The following ELAVL2 variants were observed in gnomAD, a reference collection of about 807,000 sequenced individuals.
ELAVL2 encodes ELAV-like protein 2.
A neutral mutation model predicts 34.6 loss-of-function variants in ELAVL2; 4 were observed. That is an observed-to-expected ratio of 0.12 (90% CI 0.06 to 0.26). The LOEUF (loss-of-function observed/expected upper bound fraction) is 0.26, where lower values mean the gene tolerates loss of function less well. ELAVL2 is among the 10% of genes least tolerant of loss of function. ELAVL2 has a pLI of 1.00. For synonymous variants in ELAVL2, 193 were observed against 154.8 expected, an observed-to-expected ratio of 1.25 and a Z score of -1.83; for missense variants, 432 against 442.8, an observed-to-expected ratio of 0.98 and a Z score of 0.22.
intron 2 of ELAVL2, among the ~76,000 whole-genome samples, chr9:23,757,118 C>T (rs1588149639): frequency 6.6e-6 from 1 of 152,172 alleles, no homozygotes; most frequent in East Asian, 1.9e-4. Flanking sequence ...ATATCAAGTT[C>T]ACAACCATAG....
intron 5 of ELAVL2, among the ~76,000 whole-genome samples, chr9:23,696,778 T>C (rs1730395377): frequency 6.6e-6 from 1 of 152,134 alleles, no homozygotes; most frequent in Non-Finnish European, 1.5e-5. Flanking sequence ...CCATCTTTTA[T>C]TTATGGTCAT....
intron 1 of ELAVL2, among the ~76,000 whole-genome samples, chr9:23,794,551 A>G (rs1310527284): frequency 1.3e-5 from 2 of 152,250 alleles, no homozygotes; most frequent in East Asian, 1.9e-4. Flanking sequence ...TCAAGGCTGA[A>G]TAAGATACAT....
At chr9:23,779,106 GC>G in intron 1 of ELAVL2, 1 of 804,884 alleles carries the variant, frequency 1.2e-6, no homozygotes, top group Non-Finnish European at 1.5e-6. Context: ...TACACCAGAA[GC>G]CCTTGAATTA....
intron 1 of ELAVL2, among the ~76,000 whole-genome samples, chr9:23,812,893 A>T (rs559164130): frequency 6.6e-6 from 1 of 152,246 alleles, no homozygotes; most frequent in Non-Finnish European, 1.5e-5. Flanking sequence ...GCCTAGCTGA[A>T]GTGGCTGCCA....
intron 6 of ELAVL2, 136 bp downstream of exon 6, chr9:23,693,312 G>T: frequency 1.9e-6 from 2 of 1,071,278 alleles, no homozygotes; most frequent in Non-Finnish European, 2.7e-6. Flanking sequence ...GCTTCAAAGA[G>T]CAGCTTTTCA....
chr9:23,811,033 G>A (rs1461552090), intron 1 of ELAVL2, among the ~76,000 whole-genome samples: 3 of 152,158 alleles, frequency 2.0e-5, no homozygotes, highest in Admixed American at 6.6e-5. Flanking sequence ...ATTCTCAAGG[G>A]AGAGTCATTT....
chr9:23,781,764 G>A (rs2059097824), intron 1 of ELAVL2, among the ~76,000 whole-genome samples: 1 of 151,790 alleles, frequency 6.6e-6, no homozygotes, highest in Admixed American at 6.6e-5. Context: ...GGGATTCTCT[G>A]CTCACCGCAA....
chr9:23,731,207 T>A (rs1012216609), intron 2 of ELAVL2, 82 bp from the exon 3 acceptor site: 1 of 1,128,600 alleles, frequency 8.9e-7, no homozygotes, highest in Non-Finnish European at 1.3e-6. Flanking sequence ...CATATGGTCT[T>A]GTCATTAACA....
upstream of ELAVL2, among the ~76,000 whole-genome samples, chr9:23,828,827 T>C (rs1346595154): frequency 6.6e-6 from 1 of 152,216 alleles, no homozygotes; most frequent in Non-Finnish European, 1.5e-5. Flanking sequence ...CAACATGTAC[T>C]TTTTCAACTT....
At chr9:23,772,184 C>CA (rs1247092110) in intron 1 of ELAVL2, among the ~76,000 whole-genome samples, 1 of 152,130 alleles carries the variant, frequency 6.6e-6, no homozygotes, top group Admixed American at 6.5e-5. Context: ...CAGGAACCCC[C>CA]TCAGGGTAGT....
At chr9:23,703,036 C>T (rs1016686222) in intron 4 of ELAVL2, among the ~76,000 whole-genome samples, 2 of 137,620 alleles carry the variant, frequency 1.5e-5, no homozygotes, top group East Asian at 2.5e-4. Context: ...CTTAAGCATA[C>T]CTAAGAACAA....
At chr9:23,736,826 C>A (rs148253714) in intron 2 of ELAVL2, among the ~76,000 whole-genome samples, 20 of 152,312 alleles carry the variant, frequency 1.3e-4, no homozygotes, top group Middle Eastern at 3.4e-3. Context: ...CAAATCTAAC[C>A]ATACTCTGGT....
chr9:23,712,649 T>C (rs1206585995), intron 3 of ELAVL2, among the ~76,000 whole-genome samples: 1 of 152,152 alleles, frequency 6.6e-6, no homozygotes, highest in African/African-American at 2.4e-5. Context: ...ATAGTGTCTC[T>C]CCCTTTTATA....
chr9:23,767,766 CTG>C (rs1002010352), intron 1 of ELAVL2, among the ~76,000 whole-genome samples: 1 of 152,164 alleles, frequency 6.6e-6, no homozygotes, highest in African/African-American at 2.4e-5. Flanking sequence ...GTGAGAGACT[CTG>C]TCTCCAAAAT....
At chr9:23,750,385 A>G (rs1263970945) in intron 2 of ELAVL2, among the ~76,000 whole-genome samples, 3 of 152,140 alleles carry the variant, frequency 2.0e-5, no homozygotes, top group South Asian at 2.1e-4. Context: ...TCCTATTCCA[A>G]TATGTATAAA....
chr9:23,786,863 C>A (rs551745909), intron 1 of ELAVL2, among the ~76,000 whole-genome samples: 7 of 150,998 alleles, frequency 4.6e-5, no homozygotes, highest in Non-Finnish European at 5.9e-5. Context: ...TAAAGTGACA[C>A]CCACATGACC....
chr9:23,815,166 A>C (rs1188503952), intron 1 of ELAVL2, among the ~76,000 whole-genome samples: 10 of 152,186 alleles, frequency 6.6e-5, no homozygotes, highest in Non-Finnish European at 1.5e-4. Flanking sequence ...GGACTATTTT[A>C]ATATAAATGG....
chr9:23,769,005 C>T (rs1354199885), intron 1 of ELAVL2, among the ~76,000 whole-genome samples: 1 of 151,954 alleles, frequency 6.6e-6, no homozygotes, highest in African/African-American at 2.4e-5. Context: ...CCAGCCTAAA[C>T]AGAGTGAACT....
chr9:23,837,844 T>C, the ELAVL2 span, among the ~76,000 whole-genome samples: 2 of 152,330 alleles, frequency 1.3e-5, no homozygotes, highest in East Asian at 3.9e-4. Flanking sequence ...CCGTGCTCTC[T>C]ACTGCTGACA....
Sources: gnomAD v4.1 joint callset for allele counts (sites outside exome capture counted in the v4.1 genomes callset) on GRCh38, gnomAD v4.1.1 for gene constraint, MANE v1.5 for transcripts, NCBI Gene and HGNC (gene_info 2026-07-23, HGNC 2026-07-21) for gene names.